Variants in GRIN3A observed in about 807,000 individuals in gnomAD.
GRIN3A encodes the protein glutamate ionotropic receptor NMDA type subunit 3A.
In GRIN3A, 47 loss-of-function variants were observed where a neutral mutation model predicts 92.4. That is an observed-to-expected ratio of 0.51 (90% CI 0.40 to 0.65). The LOEUF (loss-of-function observed/expected upper bound fraction) is 0.65, where lower values mean the gene tolerates loss of function less well. Ranked by LOEUF, GRIN3A falls within the 30% of genes least tolerant of loss-of-function variation. The pLI is 0.00. For missense variants in GRIN3A, 1,324 were observed against 1,393.1 expected (o/e 0.95, Z 0.79); for synonymous variants, 527 against 540.6 (o/e 0.97, Z 0.35).
chr9:101,658,752 G>GTCTGTCTATCTATCTATCTA (rs1476543672), intron 3 of GRIN3A, among the ~76,000 whole-genome samples: 1 of 139,120 alleles, frequency 7.2e-6, no homozygotes, highest in African/African-American at 2.7e-5. Context: ...CTATCTATCT[G>GTCTGTCTATCTATCTATCTA]TCTATCTGTC....
intron 1 of GRIN3A, among the ~76,000 whole-genome samples, chr9:101,713,939 A>G (rs1829912114): frequency 6.6e-6 from 1 of 152,092 alleles, no homozygotes; most frequent in Non-Finnish European, 1.5e-5. Context: ...AGTAAAAACA[A>G]AAAATTAGCC....
chr9:101,630,215 T>C (rs918960945), intron 3 of GRIN3A, among the ~76,000 whole-genome samples: 10 of 152,224 alleles, frequency 6.6e-5, no homozygotes, highest in African/African-American at 2.4e-4. Context: ...TTATCTGTGC[T>C]GATATAGTAT....
chr9:101,671,919 C>T (rs1829332194), intron 2 of GRIN3A, among the ~76,000 whole-genome samples: 1 of 152,122 alleles, frequency 6.6e-6, no homozygotes, highest in Non-Finnish European at 1.5e-5. Flanking sequence ...TGAACTAGGG[C>T]ACTTACAGTA....
At chr9:101,660,959 C>T (rs1052347730) in intron 3 of GRIN3A, among the ~76,000 whole-genome samples, 1 of 151,802 alleles carries the variant, frequency 6.6e-6, no homozygotes, top group Non-Finnish European at 1.5e-5. Flanking sequence ...CTGCTAGGTT[C>T]TGAGGATACA....
At chr9:101,612,797 C>G (rs528418076) in intron 6 of GRIN3A, among the ~76,000 whole-genome samples, 2 of 152,210 alleles carry the variant, frequency 1.3e-5, no homozygotes, top group Non-Finnish European at 2.9e-5. Flanking sequence ...TATTTGTGTG[C>G]CTTAGGGAAA....
intron 3 of GRIN3A, among the ~76,000 whole-genome samples, chr9:101,634,332 C>CAAAAAA (rs10664535): frequency 1.5e-4 from 10 of 68,716 alleles, no homozygotes; most frequent in African/African-American, 1.9e-4. Context: ...GACTCCGTCT[C>CAAAAAA]AAAAAAAAAA....
chr9:101,721,877 A>G lies in GRIN3A; in HGVS notation c.699+15404T>C, dbSNP rs558537710. On this transcript the variant is annotated intron_variant, in intron 1 of 8. Transcript: ENST00000361820. ...CATTTTAAAAGGGAAACAGAACACA[A>G]AGGTTCAGAAAATTTGCTGCCTGAT... Among the ~76,000 whole-genome samples, 64 of 152,328 alleles carry G rather than the reference A, an allele frequency of 4.2e-4. No individual in the cohort carries two copies. In the Middle Eastern group the frequency reaches 0.01, roughly 24 times the overall value.
At chr9:101,691,605 T>A (rs1327748976) in intron 1 of GRIN3A, among the ~76,000 whole-genome samples, 1 of 152,198 alleles carries the variant, frequency 6.6e-6, no homozygotes, top group Non-Finnish European at 1.5e-5. Context: ...CATCCATTCT[T>A]CTTTGACTGG....
chr9:101,722,690 C>T (rs1183076712), intron 1 of GRIN3A, among the ~76,000 whole-genome samples: 1 of 152,134 alleles, frequency 6.6e-6, no homozygotes, highest in Non-Finnish European at 1.5e-5. Context: ...TTTGACTGCC[C>T]TGCTGGATTT....
At chr9:101,585,085 T>A (rs1431680755) in intron 6 of GRIN3A, among the ~76,000 whole-genome samples, 1 of 152,182 alleles carries the variant, frequency 6.6e-6, no homozygotes, top group African/African-American at 2.4e-5. Flanking sequence ...CCCTCTTCAA[T>A]CAGACTTTTG....
At chr9:101,692,363 C>A (rs1829630868) in intron 1 of GRIN3A, among the ~76,000 whole-genome samples, 2 of 152,152 alleles carry the variant, frequency 1.3e-5, no homozygotes, top group African/African-American at 2.4e-5. Flanking sequence ...TCCTGGAGAT[C>A]CCTCATCAGT....
At chr9:101,627,454 AT>A (rs1415826337) in intron 4 of GRIN3A, among the ~76,000 whole-genome samples, 8 of 152,074 alleles carry the variant, frequency 5.3e-5, no homozygotes, top group African/African-American at 1.9e-4. Flanking sequence ...CATTGGGGAG[AT>A]TATTGATGCT....
intron 1 of GRIN3A, among the ~76,000 whole-genome samples, chr9:101,703,445 C>T (rs1016177852): frequency 6.6e-6 from 1 of 152,184 alleles, no homozygotes; most frequent in Non-Finnish European, 1.5e-5. Context: ...CCTCACAGCA[C>T]CACCCACCAT....
At chr9:101,706,679 C>A (rs1020950761) in intron 1 of GRIN3A, among the ~76,000 whole-genome samples, 2 of 152,208 alleles carry the variant, frequency 1.3e-5, no homozygotes, top group South Asian at 4.1e-4. Flanking sequence ...AGGTGGTGAG[C>A]ACTAGAGTGT....
At position 101,613,482 on chromosome 9, in the gene GRIN3A, A is replaced by C. The variant is rs763619570; in HGVS notation, c.2660T>G (p.Ile887Arg). ...CTTGTATTGACTGATTAGCTCGGATATGTTGGCGGTCAATGGAGAGTTGGG... is the reference window on the plus strand; with the variant it reads ...CTTGTATTGACTGATTAGCTCGGATCTGTTGGCGGTCAATGGAGAGTTGGG... Reference protein sequence around the residue: ...LPPNSPLTANISELISQYKSH... With the variant: ...LPPNSPLTANRSELISQYKSH... Residue 887 changes from isoleucine (I) to arginine (R), a missense_variant, in exon 6 of 9, where the codon ATA (isoleucine) becomes AGA (arginine). Ile to Arg is a moderately conservative substitution (Grantham distance 97). Coordinates refer to ENST00000361820, the MANE Select transcript of GRIN3A (RefSeq NM_133445.3). The C allele has an allele frequency of 2.5e-6, 4 of 1,614,210 alleles. No individual in the cohort carries two copies. Among genetic ancestry groups the C allele is most frequent in the Non-Finnish European group, 3.4e-6 (4 of 1,180,022 alleles).
At chr9:101,645,236 A>C (rs1828921909) in intron 3 of GRIN3A, among the ~76,000 whole-genome samples, 1 of 151,648 alleles carries the variant, frequency 6.6e-6, no homozygotes, top group South Asian at 2.1e-4. Flanking sequence ...CCCATGTTGG[A>C]GTGAGAACAT....
intron 3 of GRIN3A, among the ~76,000 whole-genome samples, chr9:101,638,532 G>A (rs1828812856): frequency 6.6e-6 from 1 of 152,148 alleles, no homozygotes; most frequent in South Asian, 2.1e-4. Context: ...TCCCTTATGT[G>A]TAAGACAAAT....
At chr9:101,573,558 C>T in intron 8 of GRIN3A, 45 bp from the exon 9 acceptor site, 1 of 1,434,356 alleles carries the variant, frequency 7.0e-7, no homozygotes, top group Non-Finnish European at 9.8e-7. Context: ...TTCTGCAGCT[C>T]TCAAGGTGCT....
In GRIN3A at chr9:101,573,133, G is replaced by T; in HGVS notation, c.*41C>A. On this transcript the variant is annotated 3_prime_UTR_variant, in exon 9 of 9. Coordinates refer to ENST00000361820, the MANE Select transcript of GRIN3A (RefSeq NM_133445.3). Reference sequence around the variant, plus strand: ...CATTACAAAGTGTCTCAAGGGCTCAGAGGAAGGTCAGGAACTGAGAAAGGG... The same window carrying T: ...CATTACAAAGTGTCTCAAGGGCTCATAGGAAGGTCAGGAACTGAGAAAGGG... 6.6e-7 allele frequency: 1 copy of T among 1,525,648 alleles called. No homozygotes were observed. Among genetic ancestry groups the T allele is most frequent in the South Asian group, 1.1e-5 (1 of 89,326 alleles). The allele number at this position is 1,525,648 out of a possible 1,614,324, so 94.5% of individuals were successfully genotyped here.
Sources: allele counts gnomAD v4.1 joint callset (sites outside exome capture counted in the v4.1 genomes callset), GRCh38; gene constraint gnomAD v4.1.1; transcripts MANE v1.5; gene names NCBI Gene and HGNC (gene_info 2026-07-23, HGNC 2026-07-21).